MECOM: variants seen among roughly 807,000 people sequenced by gnomAD.
The protein encoded by MECOM is MDS1 and EVI1 complex locus.
In MECOM, 13 loss-of-function variants were observed where a neutral mutation model predicts 116.3. That is an observed-to-expected ratio of 0.11 (90% CI 0.07 to 0.18). MECOM has a LOEUF of 0.18. MECOM is among the 10% of genes least tolerant of loss of function. The probability of loss-of-function intolerance (pLI) is 1.00; values close to 1 mark genes in which losing one functional copy is unlikely to be tolerated. For synonymous variants in MECOM, 528 were observed against 535.2 expected (o/e 0.99, Z 0.19); for missense variants, 1,299 against 1,509.0 (o/e 0.86, Z 2.31).
At chr3:169,618,662 A>G (rs1469508775) in intron 1 of MECOM, among the ~76,000 whole-genome samples, 5 of 152,184 alleles carry the variant, frequency 3.3e-5, no homozygotes, top group Admixed American at 1.3e-4. Flanking sequence ...TCTCAAAAAT[A>G]AATAGAAAAA....
chr3:169,619,016 T>TA (rs1268942190), intron 1 of MECOM, among the ~76,000 whole-genome samples: 1,720 of 137,640 alleles, frequency 0.012, 25 homozygotes, highest in African/African-American at 0.035. Context: ...TCTAAACATT[T>TA]AAAAAAAAAA....
At chr3:169,174,453 A>G (rs1196690659) in intron 2 of MECOM, among the ~76,000 whole-genome samples, 1 of 152,208 alleles carries the variant, frequency 6.6e-6, no homozygotes, top group Admixed American at 6.5e-5. Context: ...GGACAGGTAG[A>G]AAAATTATAA....
At chr3:169,453,203 T>C (rs1745894597) in intron 1 of MECOM, among the ~76,000 whole-genome samples, 1 of 152,260 alleles carries the variant, frequency 6.6e-6, no homozygotes, top group African/African-American at 2.4e-5. Context: ...CTGCAATGGC[T>C]GCATGACAGA....
chr3:169,628,344 T>C (rs1160458926), intron 1 of MECOM, among the ~76,000 whole-genome samples: 1 of 152,250 alleles, frequency 6.6e-6, no homozygotes, highest in Non-Finnish European at 1.5e-5. Flanking sequence ...AAAAGTACTT[T>C]GCTAACAGTA....
At chr3:169,279,373 A>G (rs536755734) in intron 2 of MECOM, among the ~76,000 whole-genome samples, 3 of 152,128 alleles carry the variant, frequency 2.0e-5, no homozygotes, top group Non-Finnish European at 4.4e-5. Flanking sequence ...CCTTCCCCCC[A>G]CTACACAAAA....
chr3:169,661,818 T>C (rs1235773497), intron 1 of MECOM, among the ~76,000 whole-genome samples: 1 of 152,118 alleles, frequency 6.6e-6, no homozygotes, highest in Non-Finnish European at 1.5e-5. Flanking sequence ...GGGATTTCAC[T>C]GGGGAGAAGC....
chr3:169,532,179 G>T (rs914180328), intron 1 of MECOM, among the ~76,000 whole-genome samples: 1 of 152,196 alleles, frequency 6.6e-6, no homozygotes, highest in Admixed American at 6.5e-5. Flanking sequence ...AAACAGTTTG[G>T]TGAGCTGCCC....
chr3:169,327,443 G>C (rs1338959763), intron 2 of MECOM, among the ~76,000 whole-genome samples: 1 of 152,034 alleles, frequency 6.6e-6, no homozygotes, highest in Admixed American at 6.6e-5. Flanking sequence ...TTCGAGACCA[G>C]CCTGGCCAAC....
intron 1 of MECOM, among the ~76,000 whole-genome samples, chr3:169,636,241 CCA>C (rs1329310803): frequency 2.0e-5 from 3 of 152,170 alleles, no homozygotes; most frequent in Non-Finnish European, 4.4e-5. Context: ...ATCACCTTAT[CCA>C]CACAGACATC....
Position 169,096,736 on chromosome 3 carries a change from G to A in MECOM, c.2850-1491C>T, listed in dbSNP as rs139844568. On this transcript the variant is annotated intron_variant, in intron 12 of 16. Transcript: ENST00000651503. Reference sequence around the variant, plus strand: ...ATTCCACTAGAGTTCTTGGGCTTCTGTGGTTGTCCTTATGTGATGCCAGAA... The same window carrying A: ...ATTCCACTAGAGTTCTTGGGCTTCTATGGTTGTCCTTATGTGATGCCAGAA... Among the ~76,000 whole-genome samples the A allele has an allele frequency of 3.9e-4, 59 of 152,262 alleles. 1 individual carries two copies. In the East Asian group the frequency reaches 0.01, roughly 27 times the overall value.
At chr3:169,400,212 C>T (rs1560224752) in intron 1 of MECOM, among the ~76,000 whole-genome samples, 1 of 151,906 alleles carries the variant, frequency 6.6e-6, no homozygotes, top group Non-Finnish European at 1.5e-5. Context: ...TTTTTTTAAC[C>T]TAAATGGTTC....
At chr3:169,510,520 C>T (rs1473353867) in intron 1 of MECOM, among the ~76,000 whole-genome samples, 1 of 152,218 alleles carries the variant, frequency 6.6e-6, no homozygotes, top group East Asian at 1.9e-4. Context: ...TGACATCTCA[C>T]AGGCCATTCC....
At chr3:169,275,550 T>A (rs1759476644) in intron 2 of MECOM, among the ~76,000 whole-genome samples, 2 of 152,206 alleles carry the variant, frequency 1.3e-5, no homozygotes, top group South Asian at 4.1e-4. Context: ...CTAAATATCT[T>A]AGTTTTCTAA....
At chr3:169,097,817 T>TAAAAAAAAAAAATAAAAAAAAAAA (rs1722151041) in intron 12 of MECOM, among the ~76,000 whole-genome samples, 1 of 87,194 alleles carries the variant, frequency 1.1e-5, no homozygotes, top group African/African-American at 3.9e-5. Context: ...ACTGTCTATA[T>TAAAAAAAAAAAATAAAAAAAAAAA]AAAAAAAAAA....
intron 1 of MECOM, among the ~76,000 whole-genome samples, chr3:169,393,926 T>C (rs1734620463): frequency 6.6e-6 from 1 of 152,142 alleles, no homozygotes; most frequent in Non-Finnish European, 1.5e-5. Context: ...AAATATATTG[T>C]GGATAAAGCC....
chr3:169,615,668 A>G (rs1769906221), intron 1 of MECOM, among the ~76,000 whole-genome samples: 2 of 152,250 alleles, frequency 1.3e-5, no homozygotes, highest in African/African-American at 4.8e-5. Context: ...ACTGAATTTG[A>G]TAGCCAGGAG....
intron 1 of MECOM, among the ~76,000 whole-genome samples, chr3:169,402,199 AT>A (rs563526539): frequency 1.6e-4 from 25 of 152,228 alleles, no homozygotes; most frequent in Non-Finnish European, 3.1e-4. Context: ...TCATGAGTTA[AT>A]TTATCAGTGA....
At chr3:169,639,538 G>A (rs2110020020) in intron 1 of MECOM, among the ~76,000 whole-genome samples, 1 of 152,154 alleles carries the variant, frequency 6.6e-6, no homozygotes, top group South Asian at 2.1e-4. Flanking sequence ...ACTGTGCCTG[G>A]GCATGTAATC....
At chr3:169,281,299 C>T (rs771204082) in intron 2 of MECOM, among the ~76,000 whole-genome samples, 6 of 152,066 alleles carry the variant, frequency 3.9e-5, no homozygotes, top group Admixed American at 6.6e-5. Flanking sequence ...GTAGAAATAG[C>T]GGGACCCTGG....
Sources: allele counts gnomAD v4.1 joint callset (sites outside exome capture counted in the v4.1 genomes callset), GRCh38; gene constraint gnomAD v4.1.1; transcripts MANE v1.5; gene names NCBI Gene and HGNC (gene_info 2026-07-23, HGNC 2026-07-21).